Variants in TENT2 observed in about 807,000 individuals in gnomAD.
TENT2 encodes the protein poly(A) RNA polymerase GLD2.
Under a neutral mutation model 72.2 loss-of-function variants are expected in TENT2, and 44 were observed. The observed-to-expected ratio is 0.61, with a 90% CI of 0.48 to 0.78. The LOEUF is 0.78. Ranked by LOEUF, TENT2 falls within the 30% of genes least tolerant of loss-of-function variation. The pLI, the probability that TENT2 is intolerant of heterozygous loss-of-function variation, is 0.00. For missense variants in TENT2, 541 were observed against 569.6 expected, an observed-to-expected ratio of 0.95 and a Z score of 0.51; for synonymous variants, 212 against 192.5, an observed-to-expected ratio of 1.10 and a Z score of -0.84.
chr5:79,649,397 T>A (rs1212693999), intron 10 of TENT2, among the ~76,000 whole-genome samples: 1 of 151,948 alleles, frequency 6.6e-6, no homozygotes, highest in Non-Finnish European at 1.5e-5. Flanking sequence ...TTTTTTTTTT[T>A]ATTTTTTGGA....
chr5:79,663,999 CAAT>C (rs914314935), intron 11 of TENT2, among the ~76,000 whole-genome samples: 2 of 151,896 alleles, frequency 1.3e-5, no homozygotes, highest in Non-Finnish European at 2.9e-5. Context: ...AAAAATACAA[CAAT>C]AAAAGTAATA....
Position 79,623,305 on chromosome 5 carries a change from A to C in TENT2, c.281A>C (p.His94Pro). 1 of 1,613,604 alleles carries C rather than the reference A, an allele frequency of 6.2e-7. No homozygotes were observed. Among genetic ancestry groups the C allele is most frequent in the Non-Finnish European group, 8.5e-7 (1 of 1,179,688 alleles). The change falls in exon 4 of 15, where the codon CAT becomes CCT. Residue 94 changes from histidine (H) to proline (P), a missense_variant. His to Pro is a moderately conservative substitution (Grantham distance 77). Coordinates refer to ENST00000453514, the MANE Select transcript of TENT2 (RefSeq NM_001114394.3). ...LPLDGKRQRF[H>P]SPHQEPTVVN... ...CTTGACGGTAAACGGCAACGTTTCC[A>C]TTCACCCCACCAAGAGCCAACTGTA...
intron 4 of TENT2, among the ~76,000 whole-genome samples, chr5:79,628,333 A>G (rs1025635765): frequency 6.6e-6 from 1 of 152,220 alleles, no homozygotes. Context: ...TTTAAAGTAG[A>G]GAAATAGCAC....
intron 7 of TENT2, among the ~76,000 whole-genome samples, chr5:79,644,414 C>G (rs969786691): frequency 1.3e-5 from 2 of 152,084 alleles, no homozygotes; most frequent in Non-Finnish European, 2.9e-5. Flanking sequence ...TTCAGAATTT[C>G]ATTTTTACAC....
intron 14 of TENT2, among the ~76,000 whole-genome samples, chr5:79,683,248 G>A (rs1409738114): frequency 6.6e-6 from 1 of 151,946 alleles, no homozygotes; most frequent in African/African-American, 2.4e-5. Flanking sequence ...GAGGCCAGGA[G>A]TTTAAGACCA....
Position 79,679,634 on chromosome 5 carries a change from G to A in TENT2, c.1264G>A (p.Gly422Ser). The change falls in exon 13 of 15, where the codon GGT becomes AGT. Residue 422 changes from glycine (G) to serine (S), a missense_variant. Physicochemically the swap from Gly to Ser is moderately conservative, Grantham distance 56. Coordinates refer to ENST00000453514, the MANE Select transcript of TENT2 (RefSeq NM_001114394.3). ...REAKAIPRPD[G>S]IEWRNKYICV... The stretch of plus-strand genomic sequence containing the variant: ...AGCCAAAGCCATTCCAAGGCCTGAT[G>A]GTATTGAATGGAGAAATAAATACAT... 1 of 1,601,256 alleles carries A rather than the reference G, an allele frequency of 6.2e-7. No homozygotes were observed. The highest frequency in any genetic ancestry group is 8.5e-7 in the Non-Finnish European group (1 of 1,172,918).
At chr5:79,615,949 T>C (rs945532175) in intron 1 of TENT2, among the ~76,000 whole-genome samples, 3 of 151,806 alleles carry the variant, frequency 2.0e-5, no homozygotes, top group Non-Finnish European at 4.4e-5. Context: ...AGTGCAGTGG[T>C]GCGATCTCTG....
chr5:79,683,781 GTA>G (rs1824179565), intron 14 of TENT2, among the ~76,000 whole-genome samples: 1 of 150,166 alleles, frequency 6.7e-6, no homozygotes, highest in South Asian at 2.1e-4. Context: ...TTAGCCGGGT[GTA>G]GTGGCGGGCG....
At chr5:79,668,249 G>A (rs960595368) in intron 11 of TENT2, among the ~76,000 whole-genome samples, 3 of 151,928 alleles carry the variant, frequency 2.0e-5, no homozygotes, top group Non-Finnish European at 4.4e-5. Flanking sequence ...TAAATATTAT[G>A]GTAAAAGCTT....
intron 4 of TENT2, among the ~76,000 whole-genome samples, chr5:79,626,900 G>T (rs1770580440): frequency 1.3e-5 from 2 of 152,038 alleles, no homozygotes; most frequent in Admixed American, 1.3e-4. Flanking sequence ...GGGAGGCCAA[G>T]GTAGGCGGAT....
At chr5:79,641,051 C>T (rs1233518171) in intron 5 of TENT2, 54 bp from the exon 6 acceptor site, 3 of 1,484,626 alleles carry the variant, frequency 2.0e-6, no homozygotes, top group East Asian at 2.3e-5. Flanking sequence ...GGCACAGAAC[C>T]ATGCACCTAC....
chr5:79,618,015 G>A (rs894704120), intron 1 of TENT2, among the ~76,000 whole-genome samples: 1 of 151,918 alleles, frequency 6.6e-6, no homozygotes, highest in Non-Finnish European at 1.5e-5. Flanking sequence ...TATTTATTAG[G>A]TAATGTCCTG....
In TENT2 at chr5:79,687,100, T is replaced by C. The variant is rs568650895; in HGVS notation, c.*1827T>C. 2.0e-5 allele frequency among the ~76,000 whole-genome samples: 3 copies of C among 147,890 alleles called. No homozygotes were observed. The highest frequency in any genetic ancestry group is 7.5e-5 in the African/African-American group (3 of 39,772). ...TGTGGGTTCCTTCACTGTCACTGTT[T>C]TCTCAGTTTTCAGTGGCCCCACACT... On this transcript the variant is annotated 3_prime_UTR_variant, in exon 15 of 15. Coordinates refer to ENST00000453514, the MANE Select transcript of TENT2 (RefSeq NM_001114394.3).
chr5:79,626,729 T>C (rs900848790), intron 4 of TENT2, among the ~76,000 whole-genome samples: 1 of 151,580 alleles, frequency 6.6e-6, no homozygotes, highest in African/African-American at 2.4e-5. Context: ...CCCAGAGGGC[T>C]GGGATTACAG....
At position 79,670,695 on chromosome 5, in the gene TENT2, G is replaced by A. The variant is rs138712922; in HGVS notation, c.1208+1667G>A. Among the ~76,000 whole-genome samples, 186 of 151,514 alleles carry A rather than the reference G, an allele frequency of 1.2e-3. 1 individual carries two copies. The East Asian group carries it at 0.032, about 26-fold the overall frequency. ...GAGACATAGTACATAAATAGACTGT[G>A]AAGGTTTAATGGTTATTCTAGAGTT... On this transcript the variant is annotated intron_variant, in intron 12 of 14. Transcript: ENST00000453514.
intron 4 of TENT2, among the ~76,000 whole-genome samples, chr5:79,633,294 A>T (rs1356347358): frequency 2.6e-5 from 4 of 152,066 alleles, no homozygotes; most frequent in African/African-American, 9.7e-5. Context: ...TGCTATAATG[A>T]CCTGTTTTCT....
chr5:79,662,908 A>G (rs1804194627), intron 11 of TENT2, among the ~76,000 whole-genome samples: 1 of 152,194 alleles, frequency 6.6e-6, no homozygotes, highest in South Asian at 2.1e-4. Flanking sequence ...GCATCTTCGA[A>G]TAGAAGCCTG....
chr5:79,623,582 A>G, intron 4 of TENT2, 93 bp downstream of exon 4: 1 of 870,166 alleles, frequency 1.1e-6, no homozygotes, highest in Non-Finnish European at 1.7e-6. Flanking sequence ...ATTAAGTAGA[A>G]CGTGCCTTTT....
At chr5:79,634,154 C>CAAA (rs542035431) in intron 4 of TENT2, among the ~76,000 whole-genome samples, 2 of 59,118 alleles carry the variant, frequency 3.4e-5, no homozygotes, top group Non-Finnish European at 3.4e-5. Flanking sequence ...GACTCCGTCT[C>CAAA]AAAAAAAAAA....
Sources: gnomAD v4.1 joint callset for allele counts (sites outside exome capture counted in the v4.1 genomes callset) on GRCh38, gnomAD v4.1.1 for gene constraint, MANE v1.5 for transcripts, NCBI Gene and HGNC (gene_info 2026-07-23, HGNC 2026-07-21) for gene names.